The following CPEB1 variants were observed in gnomAD, a reference collection of about 807,000 sequenced individuals.
The protein encoded by CPEB1 is cytoplasmic polyadenylation element-binding protein 1.
CPEB1 carries 7 observed loss-of-function variants against 65.8 expected under a neutral mutation model. The ratio of observed to expected loss-of-function variants is 0.11; its 90% CI spans 0.06 to 0.20. The LOEUF (loss-of-function observed/expected upper bound fraction) is 0.20. CPEB1 is among the 10% of genes least tolerant of loss of function. The pLI, the probability that CPEB1 is intolerant of heterozygous loss-of-function variation, is 1.00. For synonymous variants in CPEB1, 262 were observed against 260.0 expected (o/e 1.01, Z -0.08); for missense variants, 551 against 712.2 (o/e 0.77, Z 2.58).
At chr15:82,562,692 A>T (rs563193214) in intron 4 of CPEB1, among the ~76,000 whole-genome samples, 3 of 152,250 alleles carry the variant, frequency 2.0e-5, no homozygotes, top group African/African-American at 7.2e-5. Flanking sequence ...TAAATCAGCC[A>T]GGCATTATGG....
chr15:82,573,233 G>C lies in CPEB1; in HGVS notation c.272-1701C>G, dbSNP rs1421422050. On this transcript the variant is annotated intron_variant, in intron 3 of 12. Transcript: ENST00000684509. ...AAATTATCAGTCTCCTTCCTTTGGA[G>C]ATTTTTTTTTTTTTTTAAAGCTTTG... 4 of 1,327,186 alleles carry C rather than the reference G, an allele frequency of 3.0e-6. No homozygotes were observed. In the African/African-American group the frequency reaches 6.4e-5, roughly 21 times the overall value. The allele number at this position is 1,327,186 out of a possible 1,614,324, so 82.2% of individuals were successfully genotyped here. A position where few individuals can be genotyped will look rare whatever the true frequency, so the allele number is the denominator to read the frequency against.
At chr15:82,575,241 T>C (rs1331417588) in intron 3 of CPEB1, among the ~76,000 whole-genome samples, 1 of 152,174 alleles carries the variant, frequency 6.6e-6, no homozygotes, top group African/African-American at 2.4e-5. Flanking sequence ...AAAAACTTTT[T>C]AACAAATGGC....
chr15:82,571,289 G>A (rs900496044), intron 4 of CPEB1, 55 bp downstream of exon 4: 48 of 1,566,566 alleles, frequency 3.1e-5, no homozygotes, highest in Admixed American at 5.6e-5. Context: ...GGATATCTTC[G>A]TTCACCACCC....
intron 3 of CPEB1, among the ~76,000 whole-genome samples, chr15:82,589,129 C>T (rs548301203): frequency 5.3e-5 from 8 of 152,356 alleles, no homozygotes; most frequent in African/African-American, 1.9e-4. Context: ...ACCTGAACTA[C>T]TGCAATAGCC....
chr15:82,582,362 A>G (rs1181013712), intron 3 of CPEB1, among the ~76,000 whole-genome samples: 1 of 152,232 alleles, frequency 6.6e-6, no homozygotes, highest in Non-Finnish European at 1.5e-5. Context: ...CTGGGACAAA[A>G]GCCCTTAATA....
rs2034661043 is a variant in CPEB1 at position 82,543,542 on chromosome 15, G to T, written c.*1050C>A. The T allele has an allele frequency of 6.8e-6, 1 of 147,846 alleles. No individual in the cohort carries two copies. 9.2% of individuals were successfully genotyped at this position (147,846 alleles called of 1,614,324 possible). On this transcript the variant is annotated 3_prime_UTR_variant, in exon 13 of 13. Transcript: ENST00000684509. ...AGTGGCATTTCAGTCAACTGCAACT[G>T]TTATCTCATACATTCCTCAAATTAA...
chr15:82,596,758 A>C (rs1024121353), intron 3 of CPEB1, among the ~76,000 whole-genome samples: 18 of 152,120 alleles, frequency 1.2e-4, no homozygotes, highest in African/African-American at 4.1e-4. Context: ...GATACCCAAG[A>C]AGCATGTAGT....
At chr15:82,617,767 T>C (rs1204309604) in intron 3 of CPEB1, among the ~76,000 whole-genome samples, 1 of 125,360 alleles carries the variant, frequency 8.0e-6, no homozygotes, top group Non-Finnish European at 1.6e-5. Flanking sequence ...GGAGTCTCGC[T>C]CTGTCGCCCA....
intron 3 of CPEB1, among the ~76,000 whole-genome samples, chr15:82,615,158 G>A (rs2044593527): frequency 6.6e-6 from 1 of 152,166 alleles, no homozygotes; most frequent in Non-Finnish European, 1.5e-5. Flanking sequence ...TTCAGAGCCT[G>A]TACCCTATCT....
At chr15:82,643,820 A>G (rs2047288979) in intron 1 of CPEB1, among the ~76,000 whole-genome samples, 1 of 152,288 alleles carries the variant, frequency 6.6e-6, no homozygotes, top group South Asian at 2.1e-4. Flanking sequence ...ACTGCTTTAA[A>G]AAAATTTTTT....
At chr15:82,569,478 T>C (rs1481296900) in intron 4 of CPEB1, among the ~76,000 whole-genome samples, 2 of 152,316 alleles carry the variant, frequency 1.3e-5, no homozygotes, top group East Asian at 3.9e-4. Flanking sequence ...GACAAAATCA[T>C]GTAATATTTA....
At chr15:82,648,061 C>T, upstream of CPEB1, 1 of 403,000 alleles carries the variant, frequency 2.5e-6, no homozygotes, top group Non-Finnish European at 4.2e-6. Context: ...GTCGGCCCCG[C>T]CCGGGCCCTC....
At chr15:82,630,380 G>C (rs543589114) in intron 1 of CPEB1, among the ~76,000 whole-genome samples, 4 of 152,176 alleles carry the variant, frequency 2.6e-5, no homozygotes, top group Non-Finnish European at 5.9e-5. Context: ...GTCTGGAAAA[G>C]AACTTTTGGC....
In CPEB1 at chr15:82,628,569, G is replaced by T. The variant is rs531160682; in HGVS notation, c.-97-13C>A. On this transcript the variant is annotated splice_polypyrimidine_tract_variant and intron_variant, in intron 1 of 12. Transcript: ENST00000684509. ...ACAGGCACTGAAACTAACGCAAATG[G>T]TGGAATTAGGATTGGTACCACATAG... 3.0e-5 allele frequency: 19 copies of T among 632,490 alleles called. No individual in the cohort carries two copies. The African/African-American group carries it at 3.3e-4, about 11-fold the overall frequency. The allele number at this position is 632,490 out of a possible 1,614,324, so 39.2% of individuals were successfully genotyped here. A position where few individuals can be genotyped will look rare whatever the true frequency, so the allele number is the denominator to read the frequency against.
At chr15:82,585,757 G>A (rs182373602) in intron 3 of CPEB1, among the ~76,000 whole-genome samples, 79 of 152,192 alleles carry the variant, frequency 5.2e-4, no homozygotes, top group African/African-American at 1.9e-3. Flanking sequence ...TCTCGGCAGC[G>A]TTCCTTGTCC....
At chr15:82,577,162 T>A (rs773293463) in intron 3 of CPEB1, among the ~76,000 whole-genome samples, 1 of 152,226 alleles carries the variant, frequency 6.6e-6, no homozygotes, top group Non-Finnish European at 1.5e-5. Flanking sequence ...AATAGCATGT[T>A]GGCAAAGGTG....
At chr15:82,618,955 T>C (rs1567226345) in intron 3 of CPEB1, among the ~76,000 whole-genome samples, 1 of 152,178 alleles carries the variant, frequency 6.6e-6, no homozygotes, top group Non-Finnish European at 1.5e-5. Flanking sequence ...GGGTGGAGCT[T>C]GGACTGATGA....
intron 3 of CPEB1, among the ~76,000 whole-genome samples, chr15:82,609,275 G>A (rs1212973468): frequency 1.3e-5 from 2 of 152,108 alleles, no homozygotes; most frequent in Non-Finnish European, 1.5e-5. Context: ...TGAGGTAGGA[G>A]GATCACTTGA....
intron 3 of CPEB1, among the ~76,000 whole-genome samples, chr15:82,582,615 G>T (rs2041388537): frequency 6.6e-6 from 1 of 151,702 alleles, no homozygotes; most frequent in South Asian, 2.1e-4. Flanking sequence ...CTAGACCCAG[G>T]TCTACACTCA....
Sources: allele counts gnomAD v4.1 joint callset (sites outside exome capture counted in the v4.1 genomes callset), GRCh38; gene constraint gnomAD v4.1.1; transcripts MANE v1.5; gene names NCBI Gene and HGNC (gene_info 2026-07-23, HGNC 2026-07-21).